The following TRIM27 variants were observed in gnomAD, a reference collection of about 807,000 sequenced individuals.
The protein encoded by TRIM27 is tripartite motif containing 27.
TRIM27 carries 12 observed loss-of-function variants against 57.6 expected under a neutral mutation model. The ratio of observed to expected loss-of-function variants is 0.21; its 90% CI spans 0.13 to 0.34. The LOEUF (loss-of-function observed/expected upper bound fraction) is 0.34, where lower values mean the gene tolerates loss of function less well. Ranked by LOEUF, TRIM27 falls within the 10% of genes least tolerant of loss-of-function variation. The pLI is 1.00. For synonymous variants in TRIM27, 266 were observed against 259.0 expected (o/e 1.03, Z -0.26); for missense variants, 403 against 656.8 (o/e 0.61, Z 4.22).
chr6:28,923,387 G>C lies in TRIM27; in HGVS notation c.246C>G (p.Arg82=). 6.2e-7 allele frequency: 1 copy of C among 1,612,244 alleles called. No homozygotes were observed. Among genetic ancestry groups the C allele is most frequent in the South Asian group, 1.1e-5 (1 of 91,038 alleles). ...ANVTQLVKQL[R]TERPSGPGGE... ...CGCCGGGCCCCGACGGCCGCTCGGT[G>C]CGCAGCTGCTTTACCAGTTGGGTCA... Residue 82 remains arginine (R), a synonymous_variant, in exon 1 of 8, where the codon CGC becomes CGG. Transcript: ENST00000377199.
At chr6:28,918,956 G>A (rs1474231245) in intron 3 of TRIM27, among the ~76,000 whole-genome samples, 2 of 152,042 alleles carry the variant, frequency 1.3e-5, no homozygotes, top group East Asian at 3.9e-4. Context: ...ACAGGGGATG[G>A]ACCATAATTT....
At chr6:28,906,950 C>T (rs986964922) in intron 7 of TRIM27, 2 of 416,868 alleles carry the variant, frequency 4.8e-6, no homozygotes, top group Non-Finnish European at 8.7e-6. Flanking sequence ...ACTAGTGTAC[C>T]AGCTCTGTTC....
chr6:28,920,051 T>C lies in TRIM27; in HGVS notation c.708A>G (p.Leu236=), dbSNP rs1581516091. 4.3e-6 allele frequency: 7 copies of C among 1,613,890 alleles called. No individual in the cohort carries two copies. The highest frequency in any genetic ancestry group is 1.1e-5 in the South Asian group (1 of 91,072). The stretch of plus-strand genomic sequence containing the variant: ...TGGTGGGCTGCTGCTGCTTCTCTTC[T>C]AGCTGAGCGATCAGGCTGCTGAGGT... ...ISHLSSLIAQ[L]EEKQQQPTRE... Residue 236 remains leucine, a synonymous_variant, in exon 3 of 8, where the codon CTA becomes CTG. Coordinates refer to ENST00000377199, the MANE Select transcript of TRIM27 (RefSeq NM_006510.5).
intron 3 of TRIM27, among the ~76,000 whole-genome samples, chr6:28,917,114 C>A (rs1413782592): frequency 6.6e-6 from 1 of 151,620 alleles, no homozygotes; most frequent in Non-Finnish European, 1.5e-5. Context: ...TGCACTCCGA[C>A]TGGGTTTCAG....
chr6:28,908,932 T>G, intron 5 of TRIM27, 41 bp downstream of exon 5: 27 of 1,600,218 alleles, frequency 1.7e-5, no homozygotes, highest in Non-Finnish European at 2.3e-5. Flanking sequence ...AGATACTCAG[T>G]ATAAATCCAT....
chr6:28,919,479 G>A (rs779692234), intron 3 of TRIM27, among the ~76,000 whole-genome samples: 1 of 152,220 alleles, frequency 6.6e-6, no homozygotes, highest in Non-Finnish European at 1.5e-5. Context: ...ACGACAGACA[G>A]GCATTAGCTC....
intron 3 of TRIM27, chr6:28,914,872 C>T (rs1773487587): frequency 6.6e-6 from 1 of 151,724 alleles, no homozygotes; most frequent in African/African-American, 2.4e-5. Flanking sequence ...TAAATTTATT[C>T]CCAGATATTT....
chr6:28,915,350 T>C (rs1232486458), intron 3 of TRIM27: 1 of 147,736 alleles, frequency 6.8e-6, no homozygotes, highest in Non-Finnish European at 1.5e-5. Context: ...AGCTCACGTC[T>C]ATTATACCAG....
At chr6:28,907,124 T>G (rs1772825458) in intron 7 of TRIM27, 112 bp downstream of exon 7, 1 of 1,018,984 alleles carries the variant, frequency 9.8e-7, no homozygotes, top group African/African-American at 1.6e-5. Context: ...TCTTTATACA[T>G]GTAACCAAAA....
At position 28,921,655 on chromosome 6, in the gene TRIM27, GGTTAAA is replaced by G. The variant is rs528415559; in HGVS notation, c.516+231_516+236del. Among the ~76,000 whole-genome samples, 31 of 152,322 alleles carry G rather than the reference GGTTAAA, an allele frequency of 2.0e-4. No individual in the cohort carries two copies. The South Asian group carries it at 5.4e-3, about 26-fold the overall frequency. On this transcript the variant is annotated intron_variant, in intron 2 of 7. Transcript: ENST00000377199. ...TCAACCCTGGTCTACGCAGTTAGCA[GGTTAAA>G]GTAAACTGACAGGTCTGATTTCCAA...
chr6:28,917,876 G>C (rs1429618501), intron 3 of TRIM27, among the ~76,000 whole-genome samples: 1 of 151,400 alleles, frequency 6.6e-6, no homozygotes, highest in Non-Finnish European at 1.5e-5. Context: ...GCCCAGGCTG[G>C]AATGCAATGG....
At chr6:28,916,744 T>G (rs966067015) in intron 3 of TRIM27, among the ~76,000 whole-genome samples, 2 of 152,184 alleles carry the variant, frequency 1.3e-5, no homozygotes, top group African/African-American at 2.4e-5. Flanking sequence ...CAGTGGTTGA[T>G]AATTTACAAC....
chr6:28,912,310 A>T (rs1164401503), intron 3 of TRIM27, among the ~76,000 whole-genome samples: 1 of 152,096 alleles, frequency 6.6e-6, no homozygotes, highest in Non-Finnish European at 1.5e-5. Context: ...GCATTTTGCC[A>T]TGTTGGCCAG....
At chr6:28,911,834 A>C in intron 3 of TRIM27, 116 bp from the exon 4 acceptor site, 1 of 971,194 alleles carries the variant, frequency 1.0e-6, no homozygotes, top group Non-Finnish European at 1.6e-6. Flanking sequence ...GAAATTAGGG[A>C]GAAAAGGATC....
In TRIM27 at chr6:28,920,355, C is replaced by T. The variant is rs183745325; in HGVS notation, c.517-113G>A. 18 of 850,106 alleles carry T rather than the reference C, an allele frequency of 2.1e-5. No homozygotes were observed. In the Middle Eastern group the frequency reaches 1.0e-3, roughly 48 times the overall value. 52.7% of individuals were successfully genotyped at this position (850,106 alleles called of 1,614,324 possible). ...ACCTCATTATGGATTAAAACAAGCA[C>T]AGTGCTAACTCATTATTTCCAGTCT... On this transcript the variant is annotated intron_variant, in intron 2 of 7. Transcript: ENST00000377199.
At chr6:28,914,667 GACTTC>G (rs1773476047) in intron 3 of TRIM27, 2 of 145,524 alleles carry the variant, frequency 1.4e-5, no homozygotes, top group African/African-American at 2.6e-5. Context: ...TGAAATCCGA[GACTTC>G]ACTACATAAT....
At chr6:28,909,595 T>C (rs1376997896) in intron 4 of TRIM27, among the ~76,000 whole-genome samples, 1 of 152,192 alleles carries the variant, frequency 6.6e-6, no homozygotes, top group Non-Finnish European at 1.5e-5. Flanking sequence ...CCAAAGCACC[T>C]AGCTCACAGC....
intron 3 of TRIM27, among the ~76,000 whole-genome samples, chr6:28,914,171 T>G (rs1167218921): frequency 6.7e-6 from 1 of 149,556 alleles, no homozygotes; most frequent in African/African-American, 2.5e-5. Context: ...AGTCTTGATC[T>G]GCCTCCCAGG....
rs1772637783 is a variant in TRIM27, at chr6:28,904,718, G to A, written c.947-53C>T. The A allele has an allele frequency of 1.4e-6, 2 of 1,431,544 alleles. No homozygotes were observed. Among genetic ancestry groups the A allele is most frequent in the African/African-American group, 1.4e-5 (1 of 70,880 alleles). 88.7% of individuals were successfully genotyped at this position (1,431,544 alleles called of 1,614,324 possible). On this transcript the variant is annotated intron_variant, in intron 7 of 7. Coordinates refer to ENST00000377199, the MANE Select transcript of TRIM27 (RefSeq NM_006510.5). This position sits in a 1 kb window ranked among gnomAD's most constrained non-coding sequence, Gnocchi z 6.1. Reference sequence around the variant, plus strand: ...CCGTGGGCCAGGAGAGCCTATTTTAGAACACCCAGCGCCTTTCTACTACCT... The same window carrying A: ...CCGTGGGCCAGGAGAGCCTATTTTAAAACACCCAGCGCCTTTCTACTACCT...
Sources: allele counts gnomAD v4.1 joint callset (sites outside exome capture counted in the v4.1 genomes callset), GRCh38; gene constraint gnomAD v4.1.1; non-coding constraint Gnocchi (gnomAD v3.1); transcripts MANE v1.5; gene names NCBI Gene and HGNC (gene_info 2026-07-23, HGNC 2026-07-21).